Variants in NPAS3 observed in about 807,000 individuals in gnomAD.
The protein encoded by NPAS3 is neuronal PAS domain protein 3, also known as neuronal PAS domain-containing protein 3.
Under a neutral mutation model 73.1 loss-of-function variants are expected in NPAS3, and 14 were observed. That is an observed-to-expected ratio of 0.19 (90% CI 0.13 to 0.30). The LOEUF (loss-of-function observed/expected upper bound fraction) is 0.30, where lower values mean the gene tolerates loss of function less well. Among genes scored for constraint, NPAS3 ranks in the 10% least tolerant of loss-of-function variants. The pLI, the probability that NPAS3 is intolerant of heterozygous loss-of-function variation, is 1.00. For synonymous variants in NPAS3, 620 were observed against 541.5 expected, an observed-to-expected ratio of 1.14 and a Z score of -2.01; for missense variants, 1,096 against 1,250.0, an observed-to-expected ratio of 0.88 and a Z score of 1.86.
chr14:33,291,000 T>C (rs745676466), intron 3 of NPAS3, among the ~76,000 whole-genome samples: 5 of 152,058 alleles, frequency 3.3e-5, no homozygotes, highest in Non-Finnish European at 5.9e-5. Context: ...AGATGGCAAG[T>C]GGAATCTACA....
At chr14:33,542,186 T>C (rs1379218029) in intron 4 of NPAS3, among the ~76,000 whole-genome samples, 2 of 152,178 alleles carry the variant, frequency 1.3e-5, no homozygotes, top group African/African-American at 2.4e-5. Context: ...AAATTAGTGA[T>C]CATTTAGTGT....
chr14:33,427,126 C>T (rs1382911564), intron 4 of NPAS3, among the ~76,000 whole-genome samples: 1 of 152,000 alleles, frequency 6.6e-6, no homozygotes, highest in Non-Finnish European at 1.5e-5. Flanking sequence ...GAGATAGTTA[C>T]AATTTCTTAA....
chr14:33,437,185 AT>A (rs1456505574), intron 4 of NPAS3, among the ~76,000 whole-genome samples: 3 of 152,184 alleles, frequency 2.0e-5, no homozygotes, highest in African/African-American at 7.2e-5. Flanking sequence ...TCAAAGCTAT[AT>A]AAGAAGGTAT....
chr14:33,685,496 C>A (rs992242183), intron 6 of NPAS3, among the ~76,000 whole-genome samples: 1 of 151,630 alleles, frequency 6.6e-6, no homozygotes, highest in Admixed American at 6.6e-5. Flanking sequence ...CCTAACACTG[C>A]TCCTGCTGCA....
chr14:33,250,024 T>G (rs776861428), intron 3 of NPAS3, among the ~76,000 whole-genome samples: 1 of 152,020 alleles, frequency 6.6e-6, no homozygotes, highest in African/African-American at 2.4e-5. Context: ...TACAAACAAG[T>G]GGCCACTTAC....
chr14:33,138,369 A>T (rs2139156701), intron 2 of NPAS3, among the ~76,000 whole-genome samples: 1 of 152,318 alleles, frequency 6.6e-6, no homozygotes, highest in African/African-American at 2.4e-5. Flanking sequence ...GTCATTAAAT[A>T]TAGTAGTCAT....
At chr14:33,317,279 A>G (rs1381840062) in intron 3 of NPAS3, among the ~76,000 whole-genome samples, 1 of 152,160 alleles carries the variant, frequency 6.6e-6, no homozygotes, top group Non-Finnish European at 1.5e-5. Context: ...TATACCCTCT[A>G]TTAGGCACTA....
At chr14:33,342,198 T>C (rs1304214255) in intron 3 of NPAS3, among the ~76,000 whole-genome samples, 1 of 152,174 alleles carries the variant, frequency 6.6e-6, no homozygotes, top group African/African-American at 2.4e-5. Context: ...GAGAAAGAGC[T>C]TGTGGAAGCC....
intron 6 of NPAS3, among the ~76,000 whole-genome samples, chr14:33,729,488 A>T (rs375778987): frequency 1.1e-4 from 16 of 152,154 alleles, no homozygotes; most frequent in African/African-American, 3.6e-4. Flanking sequence ...TGATCTGTGT[A>T]GCTCTGGCTC....
intron 4 of NPAS3, among the ~76,000 whole-genome samples, chr14:33,551,459 C>T (rs1191673018): frequency 6.6e-6 from 1 of 152,162 alleles, no homozygotes; most frequent in Admixed American, 6.5e-5. Context: ...CTGTGGGTTT[C>T]CCTGCCAACA....
intron 6 of NPAS3, among the ~76,000 whole-genome samples, chr14:33,727,707 G>A (rs530417107): frequency 6.6e-6 from 1 of 152,020 alleles, no homozygotes; most frequent in Non-Finnish European, 1.5e-5. Flanking sequence ...TTTATATGAA[G>A]AATTGGCTCA....
chr14:33,151,235 G>T (rs1473808489), intron 2 of NPAS3, among the ~76,000 whole-genome samples: 1 of 152,238 alleles, frequency 6.6e-6, no homozygotes, highest in Non-Finnish European at 1.5e-5. Flanking sequence ...GGCTGTGACT[G>T]CTCCCACAAG....
intron 11 of NPAS3, among the ~76,000 whole-genome samples, chr14:33,798,977 C>CAAAAAAAAAA (rs35096703): frequency 9.4e-6 from 1 of 106,238 alleles, no homozygotes; most frequent in Non-Finnish European, 1.8e-5. Flanking sequence ...CCTGTCTCTA[C>CAAAAAAAAAA]AAAAAAAAAA....
intron 4 of NPAS3, among the ~76,000 whole-genome samples, chr14:33,507,158 A>G (rs1401860635): frequency 6.6e-6 from 1 of 151,990 alleles, no homozygotes; most frequent in Non-Finnish European, 1.5e-5. Context: ...ACCCCAACCC[A>G]AAGATCTAAG....
At chr14:33,163,180 G>A (rs1375249284) in intron 2 of NPAS3, among the ~76,000 whole-genome samples, 1 of 152,110 alleles carries the variant, frequency 6.6e-6, no homozygotes, top group Non-Finnish European at 1.5e-5. Flanking sequence ...GCTTCACACA[G>A]CCAATTACCT....
At chr14:33,733,619 C>T (rs1008010059) in intron 6 of NPAS3, among the ~76,000 whole-genome samples, 10 of 151,962 alleles carry the variant, frequency 6.6e-5, no homozygotes, top group South Asian at 4.2e-4. Context: ...AAGCTGTTGG[C>T]GTATTATGGC....
At chr14:33,264,189 G>A (rs542942251) in intron 3 of NPAS3, among the ~76,000 whole-genome samples, 30 of 151,828 alleles carry the variant, frequency 2.0e-4, no homozygotes, top group East Asian at 9.7e-4. Context: ...ACCAAACACC[G>A]CATGTTCTCA....
At chr14:33,029,622 CA>C (rs2138332865) in intron 1 of NPAS3, among the ~76,000 whole-genome samples, 1 of 152,246 alleles carries the variant, frequency 6.6e-6, no homozygotes, top group East Asian at 1.9e-4. Flanking sequence ...TCAGACTCTC[CA>C]ACACTGTGGC....
intron 7 of NPAS3, among the ~76,000 whole-genome samples, chr14:33,761,740 T>A (rs57628638): frequency 0.21 from 32,424 of 152,050 alleles, 3,840 homozygotes; most frequent in African/African-American, 0.29. Flanking sequence ...GGAAATTTTT[T>A]AAAAATATTT....
Sources: gnomAD v4.1 joint callset for allele counts (sites outside exome capture counted in the v4.1 genomes callset) on GRCh38, gnomAD v4.1.1 for gene constraint, MANE v1.5 for transcripts, NCBI Gene and HGNC (gene_info 2026-07-23, HGNC 2026-07-21) for gene names.